CAMK2B: variants seen among roughly 807,000 people sequenced by gnomAD.
CAMK2B encodes the protein calcium/calmodulin-dependent protein kinase type II subunit beta.
In CAMK2B, 27 loss-of-function variants were observed where a neutral mutation model predicts 93.7. The ratio of observed to expected loss-of-function variants is 0.29; its 90% confidence interval spans 0.21 to 0.40. CAMK2B has a LOEUF of 0.40. Ranked by LOEUF, CAMK2B falls within the 10% of genes least tolerant of loss-of-function variation. CAMK2B has a pLI of 1.00. For missense variants in CAMK2B, 568 were observed against 895.8 expected, an observed-to-expected ratio of 0.63 and a Z score of 4.67; for synonymous variants, 374 against 358.8, an observed-to-expected ratio of 1.04 and a Z score of -0.48.
intron 1 of CAMK2B, among the ~76,000 whole-genome samples, chr7:44,309,146 C>T (rs1174969624): frequency 7.2e-5 from 11 of 152,192 alleles, no homozygotes; most frequent in African/African-American, 1.4e-4. Context: ...GAGGAGTGGG[C>T]GGGCACCAGG....
At chr7:44,239,170 G>A (rs1584034541) in intron 13 of CAMK2B, among the ~76,000 whole-genome samples, 1 of 152,212 alleles carries the variant, frequency 6.6e-6, no homozygotes, top group Admixed American at 6.5e-5. Flanking sequence ...GCCCCAGAGG[G>A]GCAGGGTGTG....
chr7:44,284,080 G>T, intron 2 of CAMK2B, 51 bp downstream of exon 2: 2 of 1,413,512 alleles, frequency 1.4e-6, no homozygotes, highest in Non-Finnish European at 2.0e-6. Flanking sequence ...GGCCTCCAAA[G>T]CCCCTGCCCC....
At chr7:44,306,472 G>C (rs1295327018) in intron 1 of CAMK2B, among the ~76,000 whole-genome samples, 5 of 152,218 alleles carry the variant, frequency 3.3e-5, no homozygotes, top group Non-Finnish European at 7.3e-5. Context: ...ATTAAGCAAA[G>C]AGCAAAATAA....
intron 2 of CAMK2B, among the ~76,000 whole-genome samples, chr7:44,276,114 A>AGAGGGGAAAGAGGGGCAGGGG (rs2097034496): frequency 7.0e-6 from 1 of 142,288 alleles, no homozygotes; most frequent in Non-Finnish European, 1.5e-5. Flanking sequence ...GAGAGAAGCC[A>AGAGGGGAAAGAGGGGCAGGGG]GAGGGGAAAG....
In CAMK2B at chr7:44,228,173, G is replaced by C. The variant is rs567366801; in HGVS notation, c.1468+623C>G. On this transcript the variant is annotated intron_variant, in intron 19 of 23. Coordinates refer to ENST00000395749, the MANE Select transcript of CAMK2B (RefSeq NM_001220.5). ...GCTGGACGGGGTTACAGGGAGAGGA[G>C]GGAGTCACGGGCGTTACAGAGGAGG... Among the ~76,000 whole-genome samples, 35 of 152,074 alleles carry C rather than the reference G, an allele frequency of 2.3e-4. 1 individual carries two copies. The highest frequency in any genetic ancestry group is 4.4e-4 in the Non-Finnish European group (30 of 67,918).
At position 44,240,654 on chromosome 7, in the gene CAMK2B, G is replaced by A. The variant is rs181028779; in HGVS notation, c.946+53C>T. ...GGTGAGGAAGGAGGCGCTCTCCTGC[G>A]TGGGCCAGCAGGGAGGGGGCAGCGC... On this transcript the variant is annotated intron_variant, in intron 12 of 23. Transcript: ENST00000395749. The A allele has an allele frequency of 4.8e-5, 77 of 1,593,022 alleles. 2 individuals are homozygous for A. The highest frequency in any genetic ancestry group is 1.9e-4 in the South Asian group (17 of 89,790).
chr7:44,292,753 C>T (rs1787215176), intron 1 of CAMK2B, among the ~76,000 whole-genome samples: 1 of 152,204 alleles, frequency 6.6e-6, no homozygotes, highest in Non-Finnish European at 1.5e-5. Flanking sequence ...GGAGAAGGGA[C>T]TTCTATTCTT....
At chr7:44,281,387 G>A (rs2097101136) in intron 2 of CAMK2B, among the ~76,000 whole-genome samples, 1 of 152,194 alleles carries the variant, frequency 6.6e-6, no homozygotes, top group Admixed American at 6.5e-5. Flanking sequence ...GATCATCCCC[G>A]TGCCTGGGCT....
rs1304160561 is a variant in CAMK2B at position 44,219,289 on chromosome 7, T to TG, written c.*235_*236insC. On this transcript the variant is annotated 3_prime_UTR_variant, in exon 24 of 24. Coordinates refer to ENST00000395749, the MANE Select transcript of CAMK2B (RefSeq NM_001220.5). ...CCTTCCTTTAGTTTTTTTTGTTTTT[T>TG]TTTTTTTTCATTTCATCTGATGTCA... is the stretch of plus-strand genomic sequence containing the variant. 6.6e-6 allele frequency: 1 copy of TG among 150,732 alleles called. No homozygotes were observed. Among genetic ancestry groups the TG allele is most frequent in the Admixed American group, 6.6e-5 (1 of 15,124 alleles). The allele number at this position is 150,732 out of a possible 1,614,324, so 9.3% of individuals were successfully genotyped here.
In CAMK2B at chr7:44,239,645, G is replaced by A; in HGVS notation, c.965C>T (p.Ala322Val). 3.9e-6 allele frequency: 6 copies of A among 1,550,334 alleles called. No individual in the cohort carries two copies. Among genetic ancestry groups the A allele is most frequent in the Non-Finnish European group, 5.2e-6 (6 of 1,146,876 alleles). The change falls in exon 13 of 24, where the codon GCT becomes GTT. Residue 322 changes from alanine to valine, a missense_variant. By Grantham distance (64) the Ala-to-Val change is moderately conservative (BLOSUM62 0). This residue lies in a region of CAMK2B where 308 missense variants were observed against 292.1 expected (regional missense o/e 1.05). Coordinates refer to ENST00000395749, the MANE Select transcript of CAMK2B (RefSeq NM_001220.5). Reference sequence around the variant, plus strand: ...GGCCGCGGTGGACATTGTGGCCGGAGCGGTGGTCTGTCTGCCCACTGTTAG... The same window carrying A: ...GGCCGCGGTGGACATTGTGGCCGGAACGGTGGTCTGTCTGCCCACTGTTAG... ...RNFSVGRQTT[A>V]PATMSTAASG...
At chr7:44,314,436 C>A (rs1794358789) in intron 1 of CAMK2B, among the ~76,000 whole-genome samples, 1 of 152,242 alleles carries the variant, frequency 6.6e-6, no homozygotes. Flanking sequence ...GTCCACATTT[C>A]AGCATGTGTC....
rs370705911 is a variant in CAMK2B at position 44,262,856 on chromosome 7, G to A, written c.220+149C>T. ...TCAAGGTCAGGGGAGAAGAGGGGGC[G>A]TCCTCAGGGGCTTCTGGTGGGATAT... On this transcript the variant is annotated intron_variant, in intron 3 of 23. Coordinates refer to ENST00000395749, the MANE Select transcript of CAMK2B (RefSeq NM_001220.5). 1.7e-3 allele frequency: 1,084 copies of A among 634,876 alleles called. 5 individuals carry two copies. Among genetic ancestry groups the A allele is most frequent in the South Asian group, 7.5e-3 (356 of 47,428 alleles). The allele number at this position is 634,876 out of a possible 1,614,324, so 39.3% of individuals were successfully genotyped here.
At position 44,275,129 on chromosome 7, in the gene CAMK2B, C is replaced by A. The variant is rs117606550; in HGVS notation, c.160+9002G>T. ...AGGGGTCCTCCGTGACAACTCCTCC[C>A]CTCCCCTCCCTCCCTTCCCTGGCTC... On this transcript the variant is annotated intron_variant, in intron 2 of 23. Transcript: ENST00000395749. 5.6e-3 allele frequency among the ~76,000 whole-genome samples: 849 copies of A among 152,334 alleles called. 7 individuals carry two copies. Among genetic ancestry groups the A allele is most frequent in the Middle Eastern group, 0.024 (7 of 294 alleles).
chr7:44,251,375 T>C (rs2129001488), intron 5 of CAMK2B, among the ~76,000 whole-genome samples: 1 of 152,160 alleles, frequency 6.6e-6, no homozygotes, highest in East Asian at 1.9e-4. Context: ...CTCCACTGCT[T>C]GAAGGCTGAA....
At chr7:44,245,862 G>A (rs1235305188) in intron 6 of CAMK2B, among the ~76,000 whole-genome samples, 1 of 152,296 alleles carries the variant, frequency 6.6e-6, no homozygotes, top group South Asian at 2.1e-4. Flanking sequence ...AATGCCATCA[G>A]GGTGATGGCC....
At chr7:44,287,002 C>T (rs1785315107) in intron 1 of CAMK2B, among the ~76,000 whole-genome samples, 2 of 152,124 alleles carry the variant, frequency 1.3e-5, no homozygotes, top group Admixed American at 6.5e-5. Flanking sequence ...GTGAAGAAGG[C>T]CCTGCTCTTG....
intron 1 of CAMK2B, among the ~76,000 whole-genome samples, chr7:44,318,341 T>C (rs889920900): frequency 9.8e-5 from 15 of 152,316 alleles, no homozygotes; most frequent in African/African-American, 3.1e-4. Flanking sequence ...AAGACCTACC[T>C]GCAGAGCCAC....
intron 1 of CAMK2B, among the ~76,000 whole-genome samples, chr7:44,317,756 G>T (rs1261495385): frequency 1.3e-5 from 2 of 152,116 alleles, no homozygotes; most frequent in Non-Finnish European, 2.9e-5. Context: ...GATGGGGTGG[G>T]CGGTGGGGTA....
intron 1 of CAMK2B, among the ~76,000 whole-genome samples, chr7:44,319,209 A>T (rs572443022): frequency 2.9e-3 from 443 of 152,296 alleles, no homozygotes; most frequent in Non-Finnish European, 5.4e-3. Flanking sequence ...TTGAAAATAT[A>T]TTTAAAATCT....
Sources: gnomAD v4.1 joint callset for allele counts (sites outside exome capture counted in the v4.1 genomes callset) on GRCh38, gnomAD v4.1.1 for gene constraint, gnomAD v4.1.1 regional missense constraint, MANE v1.5 for transcripts, NCBI Gene and HGNC (gene_info 2026-07-23, HGNC 2026-07-21) for gene names.